The following NFIA variants were observed in gnomAD, a reference collection of about 807,000 sequenced individuals.
NFIA encodes the protein nuclear factor 1 A-type.
A neutral mutation model predicts 62.8 loss-of-function variants in NFIA; 8 were observed. That is an observed-to-expected ratio of 0.13 (90% CI 0.07 to 0.23). The LOEUF (loss-of-function observed/expected upper bound fraction) is 0.23, where lower values mean the gene tolerates loss of function less well. NFIA is among the 10% of genes least tolerant of loss of function. The pLI is 1.00. For synonymous variants in NFIA, 235 were observed against 238.1 expected, an observed-to-expected ratio of 0.99 and a Z score of 0.12; for missense variants, 410 against 642.1, an observed-to-expected ratio of 0.64 and a Z score of 3.91.
intron 10 of NFIA, among the ~76,000 whole-genome samples, chr1:61,436,201 G>A (rs1440772935): frequency 2.6e-5 from 4 of 152,240 alleles, no homozygotes; most frequent in Middle Eastern, 3.4e-3. Context: ...TACCAAACAG[G>A]CAGCAATAGG....
chr1:61,376,395 A>G (rs1479635239), intron 6 of NFIA, among the ~76,000 whole-genome samples: 2 of 152,200 alleles, frequency 1.3e-5, no homozygotes, highest in Non-Finnish European at 2.9e-5. Context: ...GGCCTATAGT[A>G]AATATAAAAC....
chr1:61,186,586 A>C (rs769633862), intron 2 of NFIA, among the ~76,000 whole-genome samples: 20 of 152,190 alleles, frequency 1.3e-4, no homozygotes, highest in South Asian at 2.1e-4. Context: ...CAGAATATTA[A>C]AGAATTATAA....
At chr1:61,260,887 T>G (rs1656731819) in intron 2 of NFIA, among the ~76,000 whole-genome samples, 1 of 152,148 alleles carries the variant, frequency 6.6e-6, no homozygotes, top group Non-Finnish European at 1.5e-5. Flanking sequence ...GCCAAGAAAT[T>G]TTCATAGAGT....
intron 2 of NFIA, among the ~76,000 whole-genome samples, chr1:61,125,789 T>C (rs765137974): frequency 6.6e-6 from 1 of 152,188 alleles, no homozygotes; most frequent in Non-Finnish European, 1.5e-5. Flanking sequence ...ACACATAATA[T>C]AGAAGAGATC....
At chr1:61,346,354 G>C (rs1256454849) in intron 4 of NFIA, among the ~76,000 whole-genome samples, 1 of 152,148 alleles carries the variant, frequency 6.6e-6, no homozygotes, top group African/African-American at 2.4e-5. Flanking sequence ...GTGATAACCT[G>C]GGCAGGCCAG....
chr1:61,130,317 C>T (rs3748543), intron 2 of NFIA, among the ~76,000 whole-genome samples: 143,113 of 152,136 alleles, frequency 0.94, 67,411 homozygotes, highest in Middle Eastern at 0.97. Context: ...ACCAAATGTA[C>T]AACAGACAGA....
intron 10 of NFIA, among the ~76,000 whole-genome samples, chr1:61,428,168 C>A (rs1388054728): frequency 1.3e-5 from 2 of 152,092 alleles, no homozygotes; most frequent in Non-Finnish European, 2.9e-5. Flanking sequence ...TGATTCACAG[C>A]CCTGAAATTG....
At chr1:61,095,708 A>C (rs1355279864) in intron 2 of NFIA, among the ~76,000 whole-genome samples, 2 of 152,308 alleles carry the variant, frequency 1.3e-5, no homozygotes, top group East Asian at 3.9e-4. Flanking sequence ...TTGTTTTTAT[A>C]ATGTTGAAAT....
Position 61,461,195 on chromosome 1 carries a change from G to A in NFIA, c.*5875G>A, listed in dbSNP as rs1569944904. ...TGACCCTTGACTGATGCTATGCGGAGACTGATACATTTTCTTAATGGACAA... is the reference window on the plus strand; with the variant it reads ...TGACCCTTGACTGATGCTATGCGGAAACTGATACATTTTCTTAATGGACAA... On this transcript the variant is annotated 3_prime_UTR_variant, in exon 11 of 11. Coordinates refer to ENST00000403491, the MANE Select transcript of NFIA (RefSeq NM_001134673.4). 1 of 152,126 alleles carries A rather than the reference G, an allele frequency of 6.6e-6. No individual in the cohort carries two copies. Among genetic ancestry groups the A allele is most frequent in the Admixed American group, 6.5e-5 (1 of 15,280 alleles). The allele number at this position is 152,126 out of a possible 1,614,324, so 9.4% of individuals were successfully genotyped here. A position where few individuals can be genotyped will look rare whatever the true frequency, so the allele number is the denominator to read the frequency against.
At chr1:61,226,434 A>G (rs1238439660) in intron 2 of NFIA, among the ~76,000 whole-genome samples, 1 of 152,074 alleles carries the variant, frequency 6.6e-6, no homozygotes, top group Non-Finnish European at 1.5e-5. Flanking sequence ...ATTTTTATGT[A>G]TTTATTAGGA....
chr1:61,111,797 A>G (rs913594189), intron 2 of NFIA, among the ~76,000 whole-genome samples: 2 of 152,152 alleles, frequency 1.3e-5, no homozygotes, highest in African/African-American at 2.4e-5. Flanking sequence ...CTTGTTTTCA[A>G]TAAGCCAGTT....
chr1:61,289,137 A>G (rs1013565837), intron 3 of NFIA, among the ~76,000 whole-genome samples: 2 of 152,124 alleles, frequency 1.3e-5, no homozygotes, highest in African/African-American at 4.8e-5. Context: ...TGTTGGAAGA[A>G]TTCTGTGTTT....
At chr1:61,163,362 G>A (rs1281221669) in intron 2 of NFIA, among the ~76,000 whole-genome samples, 1 of 152,078 alleles carries the variant, frequency 6.6e-6, no homozygotes, top group Non-Finnish European at 1.5e-5. Flanking sequence ...CTTGTTAGCT[G>A]TGCCATTTTG....
At chr1:61,129,524 A>G (rs1235571438) in intron 2 of NFIA, among the ~76,000 whole-genome samples, 3 of 140,874 alleles carry the variant, frequency 2.1e-5, no homozygotes, top group African/African-American at 5.4e-5. Flanking sequence ...ATCTCGGCTC[A>G]CTGCAGCCTC....
intron 4 of NFIA, among the ~76,000 whole-genome samples, chr1:61,340,278 A>G (rs1178376537): frequency 1.3e-5 from 2 of 152,238 alleles, no homozygotes; most frequent in Non-Finnish European, 2.9e-5. Flanking sequence ...TAGGTCATTC[A>G]TCAGTTATGC....
At chr1:61,417,446 T>C (rs949914138) in intron 9 of NFIA, among the ~76,000 whole-genome samples, 30 of 151,750 alleles carry the variant, frequency 2.0e-4, no homozygotes, top group Admixed American at 6.6e-4. Context: ...ACTTTTCTTC[T>C]AACCTATGGA....
intron 2 of NFIA, among the ~76,000 whole-genome samples, chr1:61,195,960 A>G (rs1327947696): frequency 1.3e-5 from 2 of 152,160 alleles, no homozygotes; most frequent in Admixed American, 6.5e-5. Flanking sequence ...CATAGATTTG[A>G]TCTTTTTAGT....
chr1:61,222,393 T>G (rs566912469), intron 2 of NFIA, among the ~76,000 whole-genome samples: 173 of 152,230 alleles, frequency 1.1e-3, no homozygotes, highest in South Asian at 7.0e-3. Flanking sequence ...TTTCTCCTCA[T>G]TAGCATATTT....
intron 2 of NFIA, among the ~76,000 whole-genome samples, chr1:61,195,287 C>T (rs1387424415): frequency 6.6e-6 from 1 of 152,100 alleles, no homozygotes; most frequent in East Asian, 1.9e-4. Context: ...CTTACGGCAT[C>T]ATGAATGTGT....
Sources: allele counts gnomAD v4.1 joint callset (sites outside exome capture counted in the v4.1 genomes callset), GRCh38; gene constraint gnomAD v4.1.1; transcripts MANE v1.5; gene names NCBI Gene and HGNC (gene_info 2026-07-23, HGNC 2026-07-21).